The following PTPRK variants were observed in gnomAD, a reference collection of about 807,000 sequenced individuals.
PTPRK encodes protein tyrosine phosphatase receptor type K, also known as receptor-type tyrosine-protein phosphatase kappa.
Under a neutral mutation model 178.0 loss-of-function variants are expected in PTPRK, and 75 were observed. That is an observed-to-expected ratio of 0.42 (90% confidence interval 0.35 to 0.51). The LOEUF (loss-of-function observed/expected upper bound fraction) is 0.51. Ranked by LOEUF, PTPRK falls within the 20% of genes least tolerant of loss-of-function variation. The pLI is 0.02. For missense variants in PTPRK, 1,441 were observed against 1,797.8 expected (o/e 0.80, Z 3.59); for synonymous variants, 637 against 620.6 (o/e 1.03, Z -0.39).
chr6:128,043,670 A>C (rs1416061481), intron 13 of PTPRK, among the ~76,000 whole-genome samples: 1 of 151,936 alleles, frequency 6.6e-6, no homozygotes, highest in Non-Finnish European at 1.5e-5. Context: ...GATAGATGTG[A>C]TATTATAGAA....
chr6:128,153,901 T>C (rs2114573127), intron 7 of PTPRK, among the ~76,000 whole-genome samples: 1 of 151,980 alleles, frequency 6.6e-6, no homozygotes, highest in East Asian at 1.9e-4. Flanking sequence ...AAAGGTATAG[T>C]TCAGACCTCC....
chr6:128,014,338 C>T (rs1405242086), intron 13 of PTPRK, among the ~76,000 whole-genome samples: 1 of 151,622 alleles, frequency 6.6e-6, no homozygotes, highest in Non-Finnish European at 1.5e-5. Flanking sequence ...TCCAGTGTCA[C>T]TGAAAGCACA....
At chr6:128,039,005 C>G (rs1776710618) in intron 13 of PTPRK, among the ~76,000 whole-genome samples, 1 of 152,100 alleles carries the variant, frequency 6.6e-6, no homozygotes, top group East Asian at 1.9e-4. Flanking sequence ...GGTATTCTAA[C>G]ATATTGTTTG....
At chr6:128,161,417 AAGAG>A (rs553472483) in intron 7 of PTPRK, among the ~76,000 whole-genome samples, 205 of 151,702 alleles carry the variant, frequency 1.4e-3, no homozygotes, top group Non-Finnish European at 2.1e-3. Context: ...AGATTCAAGA[AAGAG>A]AGAGAGAAAT....
chr6:128,316,944 C>T (rs1235175434), intron 3 of PTPRK, among the ~76,000 whole-genome samples: 1 of 152,042 alleles, frequency 6.6e-6, no homozygotes, highest in Non-Finnish European at 1.5e-5. Context: ...CTTTCCAACC[C>T]ATTTGGGGTA....
At chr6:127,973,892 TGCA>T in intron 27 of PTPRK, 65 bp from the exon 28 acceptor site, 4 of 1,486,606 alleles carry the variant, frequency 2.7e-6, no homozygotes, top group South Asian at 2.5e-5. Context: ...AAGTAAAAGG[TGCA>T]TATAATTTAC....
intron 13 of PTPRK, among the ~76,000 whole-genome samples, chr6:128,048,580 C>T (rs1194492786): frequency 6.6e-6 from 1 of 152,174 alleles, no homozygotes; most frequent in Non-Finnish European, 1.5e-5. Context: ...TATTTCCTAT[C>T]CCCAGACCCT....
chr6:128,047,685 A>G (rs1049332828), intron 13 of PTPRK, among the ~76,000 whole-genome samples: 1 of 152,182 alleles, frequency 6.6e-6, no homozygotes, highest in African/African-American at 2.4e-5. Flanking sequence ...CTTTCTTGCA[A>G]TCATTTGTGA....
intron 1 of PTPRK, among the ~76,000 whole-genome samples, chr6:128,470,900 T>C (rs1254209132): frequency 6.6e-6 from 1 of 150,422 alleles, no homozygotes; most frequent in African/African-American, 2.5e-5. Context: ...ATGTAGTGAA[T>C]TTCTTTCTTC....
chr6:128,177,343 G>T (rs753281434), intron 7 of PTPRK, among the ~76,000 whole-genome samples: 4 of 151,216 alleles, frequency 2.6e-5, no homozygotes. Context: ...GGACTTGAGG[G>T]GAAAGAACAT....
intron 2 of PTPRK, among the ~76,000 whole-genome samples, chr6:128,344,031 C>G (rs944093022): frequency 6.6e-6 from 1 of 152,168 alleles, no homozygotes; most frequent in Non-Finnish European, 1.5e-5. Flanking sequence ...AGAGATAATA[C>G]TATCTGCCTT....
intron 18 of PTPRK, 155 bp downstream of exon 18, chr6:127,995,307 C>A (rs748866391): frequency 6.2e-7 from 1 of 1,602,996 alleles, no homozygotes; most frequent in African/African-American, 1.3e-5. Context: ...GAAAGCACAA[C>A]AATGTCAGTA....
intron 3 of PTPRK, among the ~76,000 whole-genome samples, chr6:128,278,990 G>A (rs1225634871): frequency 1.3e-5 from 2 of 152,008 alleles, no homozygotes; most frequent in East Asian, 3.9e-4. Context: ...GAGCAAAGAG[G>A]CCAGGGATGG....
At chr6:128,269,633 A>G (rs975766168) in intron 3 of PTPRK, among the ~76,000 whole-genome samples, 1 of 152,228 alleles carries the variant, frequency 6.6e-6, no homozygotes, top group Non-Finnish European at 1.5e-5. Flanking sequence ...CTACATTTGG[A>G]TGTCGATGAC....
At chr6:128,323,955 C>A (rs1199835674) in intron 2 of PTPRK, among the ~76,000 whole-genome samples, 4 of 152,014 alleles carry the variant, frequency 2.6e-5, no homozygotes, top group Non-Finnish European at 5.9e-5. Context: ...TGGATCCCAA[C>A]CCAATTTATA....
intron 21 of PTPRK, among the ~76,000 whole-genome samples, chr6:127,986,290 AAG>A (rs1359618735): frequency 6.6e-6 from 1 of 152,154 alleles, no homozygotes; most frequent in African/African-American, 2.4e-5. Context: ...TCACCTCACA[AAG>A]AGATTTTAAT....
At chr6:128,478,553 T>G (rs866943233) in intron 1 of PTPRK, among the ~76,000 whole-genome samples, 2 of 152,260 alleles carry the variant, frequency 1.3e-5, no homozygotes, top group Middle Eastern at 3.4e-3. Context: ...ACAGGCCATT[T>G]TGGATTTTTA....
chr6:128,078,722 T>C (rs1784285701), intron 11 of PTPRK, 91 bp downstream of exon 11: 1 of 849,562 alleles, frequency 1.2e-6, no homozygotes, highest in Non-Finnish European at 1.9e-6. Flanking sequence ...GTATAGGGTT[T>C]GTTATCATCT....
At chr6:128,090,525 A>C (rs1392209399) in intron 7 of PTPRK, among the ~76,000 whole-genome samples, 1 of 152,232 alleles carries the variant, frequency 6.6e-6, no homozygotes, top group Non-Finnish European at 1.5e-5. Context: ...AAAGCAAAAA[A>C]CAATGGAGAA....
Sources: gnomAD v4.1 joint callset for allele counts (sites outside exome capture counted in the v4.1 genomes callset) on GRCh38, gnomAD v4.1.1 for gene constraint, MANE v1.5 for transcripts, NCBI Gene and HGNC (gene_info 2026-07-23, HGNC 2026-07-21) for gene names.